The following CTNNA2 variants were observed in gnomAD, a reference collection of about 807,000 sequenced individuals.
CTNNA2 encodes catenin alpha 2.
A neutral mutation model predicts 101.0 loss-of-function variants in CTNNA2; 42 were observed. The observed-to-expected ratio is 0.42, with a 90% CI of 0.32 to 0.54. The LOEUF (loss-of-function observed/expected upper bound fraction) is 0.54, where lower values mean the gene tolerates loss of function less well. CTNNA2 is among the 20% of genes least tolerant of loss of function. The pLI is 0.14. For missense variants in CTNNA2, 871 were observed against 1,223.1 expected (o/e 0.71, Z 4.29); for synonymous variants, 450 against 456.4 (o/e 0.99, Z 0.18).
chr2:80,340,996 G>C (rs1189758139), intron 7 of CTNNA2, among the ~76,000 whole-genome samples: 1 of 152,052 alleles, frequency 6.6e-6, no homozygotes, highest in Non-Finnish European at 1.5e-5. Context: ...TTATTATAAA[G>C]GAAACAAATG....
chr2:79,415,553 G>C (rs1418495288), intron 4 of CTNNA2, among the ~76,000 whole-genome samples: 2 of 152,090 alleles, frequency 1.3e-5, no homozygotes, highest in African/African-American at 4.8e-5. Flanking sequence ...GGAGACAGAA[G>C]TTTTCATCCT....
At chr2:79,305,879 A>T (rs1676228799) in intron 2 of CTNNA2, among the ~76,000 whole-genome samples, 1 of 151,916 alleles carries the variant, frequency 6.6e-6, no homozygotes, top group Non-Finnish European at 1.5e-5. Flanking sequence ...CCCCATATCT[A>T]CTAAAAATAC....
At chr2:80,110,123 C>T (rs567446040) in intron 7 of CTNNA2, among the ~76,000 whole-genome samples, 8 of 152,198 alleles carry the variant, frequency 5.3e-5, no homozygotes, top group South Asian at 4.2e-4. Context: ...TTAATGCACA[C>T]GACGGTGCCA....
At chr2:79,922,424 C>A (rs978511851) in intron 7 of CTNNA2, among the ~76,000 whole-genome samples, 1 of 152,072 alleles carries the variant, frequency 6.6e-6, no homozygotes, top group African/African-American at 2.4e-5. Flanking sequence ...TAGACAGATA[C>A]CTCTTCTTCC....
At position 79,859,080 on chromosome 2, in the gene CTNNA2, C is replaced by T. The variant is rs1681377405; in HGVS notation, c.465+901C>T. On this transcript the variant is annotated intron_variant, in intron 4 of 18. Transcript: ENST00000402739. ...TCCATACCCTCAGTGAAATATGATT[C>T]CTGAACAATTGGCACCAACTCTGGA... is the stretch of plus-strand genomic sequence containing the variant. Among the ~76,000 whole-genome samples, 3 of 151,852 alleles carry T rather than the reference C, an allele frequency of 2.0e-5. No individual in the cohort carries two copies. The South Asian group carries it at 6.2e-4, about 32-fold the overall frequency.
intron 4 of CTNNA2, among the ~76,000 whole-genome samples, chr2:79,464,253 G>A (rs186597247): frequency 3.5e-4 from 53 of 152,150 alleles, no homozygotes; most frequent in African/African-American, 1.1e-3. Flanking sequence ...TTGTCCTTGT[G>A]GTAGTTTGCT....
rs569467407 is a variant in CTNNA2 at position 79,577,264 on chromosome 2, C to T, written c.-6+64057C>T. 1.3e-4 allele frequency among the ~76,000 whole-genome samples: 20 copies of T among 152,024 alleles called. 1 individual carries two copies. The South Asian group carries it at 3.5e-3, about 27-fold the overall frequency. ...CCTTCTTCATTCTGTGAATAAATGA[C>T]GTATGTTAACTTTTATTCTATTTAT... On this transcript the variant is annotated intron_variant, in intron 1 of 18. Transcript: ENST00000402739.
intron 1 of CTNNA2, among the ~76,000 whole-genome samples, chr2:79,614,222 T>A (rs1019737503): frequency 2.0e-4 from 30 of 152,320 alleles, no homozygotes; most frequent in African/African-American, 6.5e-4. Flanking sequence ...ATATCAGTTA[T>A]TTTTGGTTAG....
intron 7 of CTNNA2, among the ~76,000 whole-genome samples, chr2:79,956,868 T>TTTTTTTTTTTTTTC (rs1276504498): frequency 8.3e-6 from 1 of 120,070 alleles, no homozygotes; most frequent in African/African-American, 3.0e-5. Flanking sequence ...TTTTTTTTTT[T>TTTTTTTTTTTTTTC]CAGTGTATGA....
chr2:79,747,702 G>C (rs997591463), intron 3 of CTNNA2, among the ~76,000 whole-genome samples: 1 of 152,176 alleles, frequency 6.6e-6, no homozygotes, highest in African/African-American at 2.4e-5. Flanking sequence ...TTCTTGGCCA[G>C]ACTATCCTAG....
chr2:79,222,704 T>TTC (rs1553383687), intron 2 of CTNNA2, among the ~76,000 whole-genome samples: 11 of 151,818 alleles, frequency 7.2e-5, no homozygotes, highest in African/African-American at 2.7e-4. Flanking sequence ...TCTCTCTCTG[T>TTC]TCTTATTATG....
chr2:80,014,224 C>T (rs980883875), intron 7 of CTNNA2, among the ~76,000 whole-genome samples: 1 of 151,886 alleles, frequency 6.6e-6, no homozygotes, highest in Admixed American at 6.6e-5. Context: ...ATTTTTATAA[C>T]AGTTTCTGAA....
intron 7 of CTNNA2, among the ~76,000 whole-genome samples, chr2:80,096,344 T>C (rs559840719): frequency 8.1e-4 from 123 of 152,348 alleles, no homozygotes; most frequent in African/African-American, 2.7e-3. Flanking sequence ...TGAGTTCTAG[T>C]TTGATTGCAC....
At chr2:79,924,148 A>T (rs1372062180) in intron 7 of CTNNA2, among the ~76,000 whole-genome samples, 1 of 152,086 alleles carries the variant, frequency 6.6e-6, no homozygotes, top group Non-Finnish European at 1.5e-5. Flanking sequence ...AAAAAAGGAA[A>T]TTCTGTCATT....
intron 12 of CTNNA2, among the ~76,000 whole-genome samples, chr2:80,567,349 T>C (rs1404671783): frequency 6.6e-6 from 1 of 151,148 alleles, no homozygotes; most frequent in African/African-American, 2.5e-5. Context: ...TTGGGGTAGT[T>C]TCTACTTCTA....
intron 3 of CTNNA2, among the ~76,000 whole-genome samples, chr2:79,823,783 G>A (rs1678208284): frequency 6.6e-6 from 1 of 151,914 alleles, no homozygotes; most frequent in Non-Finnish European, 1.5e-5. Context: ...AAAAAATAAA[G>A]GTTTTTTTTG....
At chr2:80,295,803 G>C (rs1300247750) in intron 7 of CTNNA2, among the ~76,000 whole-genome samples, 1 of 152,142 alleles carries the variant, frequency 6.6e-6, no homozygotes, top group Non-Finnish European at 1.5e-5. Flanking sequence ...GACCTGCCCT[G>C]CAGAAATGTT....
chr2:79,771,573 T>C lies in CTNNA2; in HGVS notation c.298+26991T>C, dbSNP rs544824932. On this transcript the variant is annotated intron_variant, in intron 3 of 18. Coordinates refer to ENST00000402739, the MANE Select transcript of CTNNA2 (RefSeq NM_001282597.3). ...GGAGACAGTGACAGATCATCAATTA[T>C]TAAATTCTCATAAGGATCTGGCAAC... 2.0e-4 allele frequency among the ~76,000 whole-genome samples: 30 copies of C among 152,334 alleles called. No homozygotes were observed. In the South Asian group the frequency reaches 4.4e-3, roughly 22 times the overall value.
intron 3 of CTNNA2, among the ~76,000 whole-genome samples, chr2:79,802,611 TTGCC>T (rs1487712779): frequency 6.6e-6 from 1 of 152,226 alleles, no homozygotes; most frequent in East Asian, 1.9e-4. Flanking sequence ...GGTAATGAAG[TTGCC>T]TTTCAGGAGT....
Sources: allele counts gnomAD v4.1 joint callset (sites outside exome capture counted in the v4.1 genomes callset), GRCh38; gene constraint gnomAD v4.1.1; transcripts MANE v1.5; gene names NCBI Gene and HGNC (gene_info 2026-07-23, HGNC 2026-07-21).